DOCK10: variants seen among roughly 807,000 people sequenced by gnomAD.
DOCK10 encodes dedicator of cytokinesis protein 10.
In DOCK10, 145 loss-of-function variants were observed where a neutral mutation model predicts 280.1. The observed-to-expected ratio is 0.52, with a 90% confidence interval of 0.45 to 0.59. The LOEUF is 0.59. Among genes scored for constraint, DOCK10 ranks in the 20% least tolerant of loss-of-function variants. The probability of loss-of-function intolerance (pLI) is 0.00; values close to 1 mark genes in which losing one functional copy is unlikely to be tolerated. For synonymous variants in DOCK10, 915 were observed against 942.2 expected, an observed-to-expected ratio of 0.97 and a Z score of 0.53; for missense variants, 2,368 against 2,651.7, an observed-to-expected ratio of 0.89 and a Z score of 2.35.
Position 224,888,203 on chromosome 2 carries a change from A to C in DOCK10, c.417-1672T>G, listed in dbSNP as rs1699421453. Among the ~76,000 whole-genome samples the C allele has an allele frequency of 1.3e-5, 2 of 150,704 alleles. 1 individual carries two copies. Among genetic ancestry groups the C allele is most frequent in the Admixed American group, 1.3e-4 (2 of 15,174 alleles). ...GAGGAATGGATAAAGAGAATGTTTA[A>C]TATATTAATATAGGCCTGTGTGTGT... is the stretch of plus-strand genomic sequence containing the variant. On this transcript the variant is annotated intron_variant, in intron 4 of 55. Coordinates refer to ENST00000258390, the MANE Select transcript of DOCK10 (RefSeq NM_014689.3).
chr2:224,934,877 G>A (rs1366307259), intron 1 of DOCK10, among the ~76,000 whole-genome samples: 1 of 152,184 alleles, frequency 6.6e-6, no homozygotes, highest in East Asian at 1.9e-4. Flanking sequence ...AATGAGTAAT[G>A]AATTTCATTA....
intron 1 of DOCK10, among the ~76,000 whole-genome samples, chr2:224,973,883 A>T (rs1434187342): frequency 1.3e-5 from 2 of 152,140 alleles, no homozygotes; most frequent in African/African-American, 4.8e-5. Context: ...ATGCAATGTA[A>T]ATCAGGGCTG....
intron 3 of DOCK10, among the ~76,000 whole-genome samples, chr2:224,905,237 T>A (rs1294285474): frequency 1.9e-5 from 2 of 104,212 alleles, no homozygotes; most frequent in Non-Finnish European, 4.1e-5. Flanking sequence ...TGGAACTATT[T>A]TTTTTTTTTT....
chr2:224,865,539 G>A (rs1049012289), intron 11 of DOCK10, among the ~76,000 whole-genome samples: 14 of 152,206 alleles, frequency 9.2e-5, no homozygotes, highest in African/African-American at 2.6e-4. Flanking sequence ...CATTTATTAC[G>A]TGTTTGCCAC....
intron 29 of DOCK10, among the ~76,000 whole-genome samples, chr2:224,818,351 G>C (rs753365286): frequency 1.3e-5 from 2 of 151,204 alleles, no homozygotes; most frequent in African/African-American, 2.4e-5. Flanking sequence ...CTGTCGTTAA[G>C]TGACGCATGA....
intron 1 of DOCK10, among the ~76,000 whole-genome samples, chr2:225,034,388 A>T (rs2106132431): frequency 6.6e-6 from 1 of 152,360 alleles, no homozygotes; most frequent in East Asian, 1.9e-4. Context: ...TATGAGGATT[A>T]GAAGAGATTG....
In DOCK10 at chr2:224,778,126, A is replaced by T; in HGVS notation, c.5802+12T>A. On this transcript the variant is annotated intron_variant, in intron 51 of 55. Transcript: ENST00000258390. ...ATTCTTAGCACTTGCATGAATACTG[A>T]TTTTCCTCTACCTTGTTGGAATCCT... The T allele has an allele frequency of 6.2e-7, 1 of 1,611,302 alleles. No homozygotes were observed. The highest frequency in any genetic ancestry group is 2.2e-5 in the East Asian group (1 of 44,810).
intron 22 of DOCK10, among the ~76,000 whole-genome samples, chr2:224,842,145 A>G (rs1452411672): frequency 6.6e-6 from 1 of 152,208 alleles, no homozygotes; most frequent in Non-Finnish European, 1.5e-5. Flanking sequence ...ATTCAACCAC[A>G]TGACAATGGC....
At chr2:224,830,968 T>C (rs1695190885) in intron 26 of DOCK10, among the ~76,000 whole-genome samples, 1 of 130,892 alleles carries the variant, frequency 7.6e-6, no homozygotes, top group East Asian at 1.9e-4. Context: ...ACAGTCTCAC[T>C]CTGTTGCCAG....
intron 18 of DOCK10, among the ~76,000 whole-genome samples, chr2:224,851,949 C>T (rs905604649): frequency 1.3e-5 from 2 of 152,168 alleles, no homozygotes; most frequent in Non-Finnish European, 2.9e-5. Flanking sequence ...TGGCCACGTG[C>T]ACCTTCCATA....
intron 1 of DOCK10, among the ~76,000 whole-genome samples, chr2:225,008,986 A>G (rs1036636825): frequency 6.6e-6 from 1 of 152,194 alleles, no homozygotes; most frequent in African/African-American, 2.4e-5. Flanking sequence ...TACATTTATC[A>G]TGTTAAGATG....
chr2:224,919,427 A>T (rs1701562103), intron 2 of DOCK10, among the ~76,000 whole-genome samples: 1 of 149,110 alleles, frequency 6.7e-6, no homozygotes, highest in Non-Finnish European at 1.5e-5. Context: ...GTGTGTCTGC[A>T]TGTGTAGGTC....
rs570997736 is a variant in DOCK10 at position 224,843,016 on chromosome 2, G to T, written c.2569-1120C>A. 2.0e-5 allele frequency among the ~76,000 whole-genome samples: 3 copies of T among 152,312 alleles called. No individual in the cohort carries two copies. In the South Asian group the frequency reaches 6.2e-4, roughly 32 times the overall value. ...GGGTAGGAACCAACCAGACCAACAAGGGGAAGGGGGGTATCCACCCCCTGC... is the reference window on the plus strand; with the variant it reads ...GGGTAGGAACCAACCAGACCAACAATGGGAAGGGGGGTATCCACCCCCTGC... On this transcript the variant is annotated intron_variant, in intron 22 of 55. Transcript: ENST00000258390.
Position 224,770,246 on chromosome 2 carries a change from T to C in DOCK10, c.6409A>G (p.Met2137Val), listed in dbSNP as rs1458325245. 2 of 1,602,694 alleles carry C rather than the reference T, an allele frequency of 1.2e-6. No homozygotes were observed. Among genetic ancestry groups the C allele is most frequent in the Admixed American group, 3.4e-5 (2 of 58,360 alleles). ...ATGACTGTGGAGAGTTCGCTGAGCATGTCCTTGTAGTGGGACCTCAGTTCT... is the reference window on the plus strand; with the variant it reads ...ATGACTGTGGAGAGTTCGCTGAGCACGTCCTTGTAGTGGGACCTCAGTTCT... ...QEELRSHYKD[M>V]LSELSTVMNE... The change falls in exon 55 of 56, where the codon ATG becomes GTG. Residue 2137 changes from methionine (M) to valine (V), a missense_variant. Physicochemically the swap from Met to Val is conservative, Grantham distance 21 (BLOSUM62 1). This residue lies in a region of DOCK10 where 1,159 missense variants were observed against 1,400.8 expected (regional missense o/e 0.83). Transcript: ENST00000258390. The surrounding 1 kb of genome is among the most constrained non-coding windows in gnomAD (Gnocchi z 4.5).
At chr2:224,859,102 G>A (rs1004709812) in intron 14 of DOCK10, among the ~76,000 whole-genome samples, 2 of 152,208 alleles carry the variant, frequency 1.3e-5, no homozygotes, top group Admixed American at 6.5e-5. Context: ...ACTGTGGGAT[G>A]TACTTGGGTT....
At chr2:224,830,758 C>A in intron 26 of DOCK10, 146 bp from the exon 27 acceptor site, 1 of 425,778 alleles carries the variant, frequency 2.3e-6, no homozygotes, top group Non-Finnish European at 4.2e-6. Flanking sequence ...AAAATATTCT[C>A]TATTATAGTG....
chr2:224,993,228 C>A (rs1434443280), intron 1 of DOCK10, among the ~76,000 whole-genome samples: 1 of 131,936 alleles, frequency 7.6e-6, no homozygotes, highest in Non-Finnish European at 1.7e-5. Flanking sequence ...TGCTGTCCAA[C>A]AGACCTGAAT....
chr2:224,819,410 G>A, intron 29 of DOCK10, 36 bp downstream of exon 29: 1 of 1,368,624 alleles, frequency 7.3e-7, no homozygotes, highest in Non-Finnish European at 1.0e-6. Context: ...CAATGCCATA[G>A]TTTAGAAAAC....
chr2:225,021,171 G>A (rs1689774880), intron 1 of DOCK10, among the ~76,000 whole-genome samples: 1 of 152,136 alleles, frequency 6.6e-6, no homozygotes, highest in South Asian at 2.1e-4. Flanking sequence ...AATAAATTGA[G>A]CCCATGTCCC....
Sources: gnomAD v4.1 joint callset for allele counts (sites outside exome capture counted in the v4.1 genomes callset) on GRCh38, gnomAD v4.1.1 for gene constraint, gnomAD v4.1.1 regional missense constraint, Gnocchi (gnomAD v3.1) non-coding constraint, MANE v1.5 for transcripts, NCBI Gene and HGNC (gene_info 2026-07-23, HGNC 2026-07-21) for gene names.